Variants in IQCJ observed in about 807,000 individuals in gnomAD.
IQCJ encodes the protein IQ motif containing J, also known as IQ domain-containing protein J.
Under a neutral mutation model 11.0 loss-of-function variants are expected in IQCJ, and 9 were observed. That is an observed-to-expected ratio of 0.82 (90% CI 0.49 to 1.43). The LOEUF is 1.43. IQCJ is among the 40% of genes most tolerant of loss of function. The probability of loss-of-function intolerance (pLI) is 0.00; values close to 1 mark genes in which losing one functional copy is unlikely to be tolerated. For missense variants in IQCJ, 146 were observed against 133.2 expected, an observed-to-expected ratio of 1.10 and a Z score of -0.47; for synonymous variants, 55 against 51.3, an observed-to-expected ratio of 1.07 and a Z score of -0.31.
chr3:159,131,245 C>T (rs1478155135), intron 1 of IQCJ, among the ~76,000 whole-genome samples: 1 of 152,112 alleles, frequency 6.6e-6, no homozygotes, highest in African/African-American at 2.4e-5. Context: ...ATAAGAATGA[C>T]ATCACACATA....
intron 1 of IQCJ, among the ~76,000 whole-genome samples, chr3:159,202,108 C>T (rs954280088): frequency 6.6e-6 from 1 of 152,132 alleles, no homozygotes; most frequent in African/African-American, 2.4e-5. Context: ...TGTTTGCAAA[C>T]TCATGTGTAC....
At chr3:159,082,118 T>C (rs1716354035) in intron 1 of IQCJ, among the ~76,000 whole-genome samples, 1 of 152,106 alleles carries the variant, frequency 6.6e-6, no homozygotes. Flanking sequence ...GTACTAACAT[T>C]GTGGGAAAGT....
At chr3:159,230,127 G>A (rs1000244855) in intron 1 of IQCJ, among the ~76,000 whole-genome samples, 8 of 151,798 alleles carry the variant, frequency 5.3e-5, no homozygotes, top group Non-Finnish European at 7.4e-5. Context: ...CCACTTACAA[G>A]TGAGAACATG....
chr3:159,157,611 A>G (rs1156799093), intron 1 of IQCJ, among the ~76,000 whole-genome samples: 3 of 152,224 alleles, frequency 2.0e-5, no homozygotes, highest in Admixed American at 6.5e-5. Flanking sequence ...ACCTATAGGT[A>G]TAGATACAGA....
intron 1 of IQCJ, among the ~76,000 whole-genome samples, chr3:159,189,873 A>G (rs1723584694): frequency 6.6e-6 from 1 of 152,052 alleles, no homozygotes; most frequent in African/African-American, 2.4e-5. Context: ...CTTTCCCCTC[A>G]TTGCTGAATT....
chr3:159,219,077 C>T lies in IQCJ; in HGVS notation c.10-26766C>T, dbSNP rs575420204. On this transcript the variant is annotated intron_variant, in intron 1 of 3. Transcript: ENST00000397832. ...CTCTGGATAATCCAATATAATCTCACGATCTCAAAATCCTTGACTTACATC... is the reference window on the plus strand; with the variant it reads ...CTCTGGATAATCCAATATAATCTCATGATCTCAAAATCCTTGACTTACATC... Among the ~76,000 whole-genome samples, 30 of 152,218 alleles carry T rather than the reference C, an allele frequency of 2.0e-4. No individual in the cohort carries two copies. In the East Asian group the frequency reaches 5.4e-3, roughly 27 times the overall value.
intron 1 of IQCJ, among the ~76,000 whole-genome samples, chr3:159,136,452 A>G (rs886207998): frequency 2.2e-4 from 33 of 152,238 alleles, no homozygotes; most frequent in African/African-American, 7.9e-4. Context: ...ATAGGCAAAA[A>G]TGTTTGTATT....
rs115299774 is a variant in IQCJ, at chr3:159,262,483, T to C, written c.156-65T>C. 9.3e-5 allele frequency: 145 copies of C among 1,565,096 alleles called. 1 individual carries two copies. In the African/African-American group the frequency reaches 1.8e-3, roughly 19 times the overall value. On this transcript the variant is annotated intron_variant, in intron 3 of 3. Transcript: ENST00000397832. Reference sequence around the variant, plus strand: ...TTCAGACTCCTTGTGAGTTTCTGAGTCTGTGGACCATGATCCAACAGTAAT... The same window carrying C: ...TTCAGACTCCTTGTGAGTTTCTGAGCCTGTGGACCATGATCCAACAGTAAT...
rs752552885 is a variant in IQCJ, at chr3:159,144,298, C to A, written c.9+74857C>A. Among the ~76,000 whole-genome samples, 44 of 152,292 alleles carry A rather than the reference C, an allele frequency of 2.9e-4. 1 individual carries two copies. The highest frequency in any genetic ancestry group is 3.4e-3 in the Middle Eastern group (1 of 294). ...AACCTTTGTTCTTACTATCCTTATG[C>A]AATATAGTTGTCTAAAAAGTCTTCA... On this transcript the variant is annotated intron_variant, in intron 1 of 3. Transcript: ENST00000397832.
intron 1 of IQCJ, among the ~76,000 whole-genome samples, chr3:159,208,840 A>G (rs1280986039): frequency 2.0e-5 from 3 of 152,216 alleles, no homozygotes; most frequent in South Asian, 2.1e-4. Context: ...TCTAAATCCA[A>G]TGACAGGTAT....
chr3:159,263,847 ATTGAACAT>A, downstream of IQCJ: 1 of 979,850 alleles, frequency 1.0e-6, no homozygotes, highest in Non-Finnish European at 1.2e-6. Context: ...GACAGCAGAA[ATTGAACAT>A]TTAGTGAATC....
At chr3:159,163,249 G>T (rs986421548) in intron 1 of IQCJ, among the ~76,000 whole-genome samples, 2 of 152,280 alleles carry the variant, frequency 1.3e-5, no homozygotes, top group Admixed American at 6.5e-5. Context: ...TTCAGCCCTG[G>T]GATGCAAGCC....
intron 1 of IQCJ, among the ~76,000 whole-genome samples, chr3:159,142,156 C>A (rs7641372): frequency 0.021 from 3,151 of 152,250 alleles, 84 homozygotes; most frequent in African/African-American, 0.072. Context: ...TGAAATGGAG[C>A]ATAAATATCT....
Position 159,263,367 on chromosome 3 carries a change from A to G in IQCJ, c.*636A>G, listed in dbSNP as rs192344413. ...GGTAAAGTAAGCATGCCTACAGACC[A>G]CAATTGACCTACAGGCCACCAGTTT... On this transcript the variant is annotated 3_prime_UTR_variant, in exon 4 of 4. Coordinates refer to ENST00000397832, the MANE Select transcript of IQCJ (RefSeq NM_001042706.3). The G allele has an allele frequency of 2.4e-6, 2 of 830,378 alleles. No homozygotes were observed. Among genetic ancestry groups the G allele is most frequent in the Non-Finnish European group, 2.9e-6 (2 of 688,818 alleles). The allele number at this position is 830,378 out of a possible 1,614,324, so 51.4% of individuals were successfully genotyped here. A position where few individuals can be genotyped will look rare whatever the true frequency, so the allele number is the denominator to read the frequency against.
At chr3:159,136,833 C>A (rs1720317602) in intron 1 of IQCJ, among the ~76,000 whole-genome samples, 1 of 152,186 alleles carries the variant, frequency 6.6e-6, no homozygotes, top group African/African-American at 2.4e-5. Context: ...TATAGCAAAT[C>A]ATTTAATCCA....
chr3:159,174,228 T>C (rs1722650928), intron 1 of IQCJ, among the ~76,000 whole-genome samples: 1 of 152,178 alleles, frequency 6.6e-6, no homozygotes, highest in African/African-American at 2.4e-5. Context: ...GGTTGCCATC[T>C]TCCAGATTTC....
At chr3:159,169,264 TTTC>T (rs1174818186) in intron 1 of IQCJ, among the ~76,000 whole-genome samples, 1 of 139,128 alleles carries the variant, frequency 7.2e-6, no homozygotes, top group East Asian at 2.1e-4. Flanking sequence ...TTTTTTCCCT[TTTC>T]TTTCTTTCTT....
intron 1 of IQCJ, among the ~76,000 whole-genome samples, chr3:159,116,539 A>G (rs1159205161): frequency 6.7e-6 from 1 of 148,238 alleles, no homozygotes; most frequent in African/African-American, 2.5e-5. Context: ...ACCTCAGGCC[A>G]CCTGTAGAAT....
intron 1 of IQCJ, among the ~76,000 whole-genome samples, chr3:159,087,151 C>G (rs887413965): frequency 6.6e-6 from 1 of 152,100 alleles, no homozygotes; most frequent in Non-Finnish European, 1.5e-5. Context: ...TTGCCAAAGG[C>G]CTTTTCTGCA....
Sources: allele counts gnomAD v4.1 joint callset (sites outside exome capture counted in the v4.1 genomes callset), GRCh38; gene constraint gnomAD v4.1.1; transcripts MANE v1.5; gene names NCBI Gene and HGNC (gene_info 2026-07-23, HGNC 2026-07-21).